CACNA1A: variants seen among roughly 807,000 people sequenced by gnomAD.
CACNA1A encodes voltage-dependent P/Q-type calcium channel subunit alpha-1A.
Under a neutral mutation model 262.4 loss-of-function variants are expected in CACNA1A, and 57 were observed. The ratio of observed to expected loss-of-function variants is 0.22; its 90% CI spans 0.18 to 0.27. CACNA1A has a LOEUF of 0.27. Ranked by LOEUF, CACNA1A falls within the 10% of genes least tolerant of loss-of-function variation. The pLI, the probability that CACNA1A is intolerant of heterozygous loss-of-function variation, is 1.00. For missense variants in CACNA1A, 2,526 were observed against 3,562.8 expected (o/e 0.71, Z 7.41); for synonymous variants, 1,431 against 1,419.3 (o/e 1.01, Z -0.18).
intron 38 of CACNA1A, chr19:13,215,032 CAG>C (rs2054951842): frequency 2.4e-5 from 4 of 164,800 alleles, no homozygotes; most frequent in Middle Eastern, 3.0e-3. Flanking sequence ...TTTTTTTAGA[CAG>C]AGTCTTGCTC....
chr19:13,365,247 G>A lies in CACNA1A; in HGVS notation c.784+70C>T, dbSNP rs2059187549. The A allele has an allele frequency of 4.3e-6, 6 of 1,402,262 alleles. No individual in the cohort carries two copies. In the Admixed American group the frequency reaches 1.1e-4, roughly 26 times the overall value. 86.9% of individuals were successfully genotyped at this position (1,402,262 alleles called of 1,614,324 possible). On this transcript the variant is annotated intron_variant, in intron 5 of 46. Coordinates refer to ENST00000360228, the MANE Select transcript of CACNA1A (RefSeq NM_001127222.2). ...TGCCAGGAGAAAGAAGCACACCCCT[G>A]CCTAATCCTCCCAAGAGCTTGTCCC...
chr19:13,226,275 A>AGGGGGGG (rs2055444404), intron 37 of CACNA1A: 4 of 46,664 alleles, frequency 8.6e-5, no homozygotes, highest in Admixed American at 2.2e-4. Context: ...GGGGGGCGGC[A>AGGGGGGG]GGGAGGGGCA....
intron 17 of CACNA1A, among the ~76,000 whole-genome samples, chr19:13,302,527 A>G (rs2057806762): frequency 6.6e-6 from 1 of 152,222 alleles, no homozygotes; most frequent in Non-Finnish European, 1.5e-5. Flanking sequence ...ATGACCAAGA[A>G]ATGCTTGTAG....
At chr19:13,338,736 T>G (rs2058621533) in intron 6 of CACNA1A, among the ~76,000 whole-genome samples, 1 of 152,204 alleles carries the variant, frequency 6.6e-6, no homozygotes, top group Non-Finnish European at 1.5e-5. Context: ...GGGGGGCTTC[T>G]GGGGCTGAGA....
intron 22 of CACNA1A, 139 bp from the exon 23 acceptor site, chr19:13,277,267 G>A (rs1438872678): frequency 1.6e-6 from 1 of 606,180 alleles, no homozygotes; most frequent in African/African-American, 1.9e-5. Context: ...GTTGCGCAGG[G>A]CGTGCACTGC....
intron 3 of CACNA1A, among the ~76,000 whole-genome samples, chr19:13,378,753 C>T (rs968876891): frequency 6.6e-5 from 10 of 151,842 alleles, no homozygotes; most frequent in African/African-American, 1.2e-4. Context: ...ATCTCCCCCC[C>T]GCCTCCCAGG....
intron 6 of CACNA1A, among the ~76,000 whole-genome samples, chr19:13,349,822 C>T (rs1036068957): frequency 6.6e-6 from 1 of 152,154 alleles, no homozygotes; most frequent in Admixed American, 6.5e-5. Flanking sequence ...ATCAAGGAAT[C>T]CCAGGCTGAT....
At chr19:13,313,521 A>AAAAAC (rs2058074046) in intron 11 of CACNA1A, among the ~76,000 whole-genome samples, 1 of 149,534 alleles carries the variant, frequency 6.7e-6, no homozygotes, top group African/African-American at 2.5e-5. Flanking sequence ...AAAAAAAAAA[A>AAAAAC]GCAACAATTA....
intron 3 of CACNA1A, among the ~76,000 whole-genome samples, chr19:13,438,666 C>A (rs577513958): frequency 1.3e-5 from 2 of 152,184 alleles, no homozygotes; most frequent in Non-Finnish European, 2.9e-5. Context: ...ATAAAGCACC[C>A]AACTGGGCCC....
At chr19:13,310,517 G>GAGAGAT (rs2058011837) in intron 12 of CACNA1A, among the ~76,000 whole-genome samples, 1 of 83,800 alleles carries the variant, frequency 1.2e-5, no homozygotes, top group Non-Finnish European at 2.3e-5. Context: ...TATATATGTA[G>GAGAGAT]AGAGAGAGAG....
chr19:13,238,554 C>T (rs1308925881), intron 31 of CACNA1A, among the ~76,000 whole-genome samples: 1 of 151,248 alleles, frequency 6.6e-6, no homozygotes, highest in Non-Finnish European at 1.5e-5. Flanking sequence ...CTTCCCCCAA[C>T]CTGGTCCTTT....
At chr19:13,478,271 G>A (rs929972657) in intron 1 of CACNA1A, among the ~76,000 whole-genome samples, 2 of 152,126 alleles carry the variant, frequency 1.3e-5, no homozygotes, top group African/African-American at 4.8e-5. Flanking sequence ...GTCAGGAAAA[G>A]CTCTAAGGAT....
At position 13,386,166 on chromosome 19, in the gene CACNA1A, AAAG is replaced by A. The variant is rs978098763; in HGVS notation, c.540-14390_540-14388del. ...ACCTTGTCTCTTAAAAAAAAAAAAA[AAAG>A]AAGAAGAAGAATGGAAGACACAGTT... On this transcript the variant is annotated intron_variant, in intron 3 of 46. Transcript: ENST00000360228. Among the ~76,000 whole-genome samples, 418 of 149,054 alleles carry A rather than the reference AAAG, an allele frequency of 2.8e-3. 37 individuals carry two copies. The highest frequency in any genetic ancestry group is 5.0e-3 in the South Asian group (24 of 4,770).
chr19:13,365,303 C>G lies in CACNA1A; in HGVS notation c.784+14G>C. The G allele has an allele frequency of 6.2e-7, 1 of 1,604,212 alleles. No homozygotes were observed. The highest frequency in any genetic ancestry group is 8.5e-7 in the Non-Finnish European group (1 of 1,173,116). On this transcript the variant is annotated intron_variant, in intron 5 of 46. Transcript: ENST00000360228. ...GAGAAAACTGGAAAGATGCATCATG[C>G]TCCGTGGACCTACCTGTCCCCTCTT...
chr19:13,390,921 T>C (rs1205828913), intron 3 of CACNA1A, among the ~76,000 whole-genome samples: 1 of 152,082 alleles, frequency 6.6e-6, no homozygotes, highest in Non-Finnish European at 1.5e-5. Flanking sequence ...GGAGTCTTGC[T>C]TTGTCGCTAG....
intron 31 of CACNA1A, among the ~76,000 whole-genome samples, chr19:13,240,566 CTG>C (rs138350736): frequency 0.12 from 17,183 of 146,506 alleles, 1,438 homozygotes; most frequent in Non-Finnish European, 0.17. Context: ...TGCATAGTGA[CTG>C]TGTGTCCAGT....
At chr19:13,476,293 C>T (rs944218121) in intron 1 of CACNA1A, among the ~76,000 whole-genome samples, 2 of 152,196 alleles carry the variant, frequency 1.3e-5, no homozygotes, top group Non-Finnish European at 2.9e-5. Context: ...AGAAGGGATC[C>T]TGGTTCTGCC....
Position 13,290,155 on chromosome 19 carries a change from A to G in CACNA1A, c.3090-3189T>C, listed in dbSNP as rs1455767209. On this transcript the variant is annotated intron_variant, in intron 19 of 46. Transcript: ENST00000360228. ...AGGATTTTGCCATGTTGGCCAGGCT[A>G]AAACTCCTGGCTTCAAGAGATCCAT... Among the ~76,000 whole-genome samples the G allele has an allele frequency of 2.0e-5, 3 of 150,990 alleles. No homozygotes were observed. The East Asian group carries it at 5.9e-4, about 29-fold the overall frequency.
intron 31 of CACNA1A, among the ~76,000 whole-genome samples, chr19:13,243,252 T>C (rs1372145611): frequency 1.3e-5 from 2 of 152,088 alleles, no homozygotes; most frequent in East Asian, 3.9e-4. Context: ...TAGAGGAAGG[T>C]TTCAGGGATA....
Sources: allele counts gnomAD v4.1 joint callset (sites outside exome capture counted in the v4.1 genomes callset), GRCh38; gene constraint gnomAD v4.1.1; transcripts MANE v1.5; gene names NCBI Gene and HGNC (gene_info 2026-07-23, HGNC 2026-07-21).